Variants in PIEZO1 observed in about 807,000 individuals in gnomAD.
The protein encoded by PIEZO1 is piezo type mechanosensitive ion channel component 1 (Er blood group), also known as piezo-type mechanosensitive ion channel component 1.
In PIEZO1, 296 loss-of-function variants were observed where a neutral mutation model predicts 297.2. The observed-to-expected ratio is 1.00, with a 90% CI of 0.91 to 1.10. PIEZO1 has a LOEUF of 1.10. PIEZO1 is among the 50% of genes least tolerant of loss of function. PIEZO1 has a pLI of 0.00. For missense variants in PIEZO1, 5,018 were observed against 3,455.5 expected, an observed-to-expected ratio of 1.45 and a Z score of -11.34; for synonymous variants, 2,427 against 1,507.5, an observed-to-expected ratio of 1.61 and a Z score of -14.13.
At chr16:88,762,472 G>A (rs1467932995) in intron 1 of PIEZO1, among the ~76,000 whole-genome samples, 3 of 152,150 alleles carry the variant, frequency 2.0e-5, no homozygotes, top group South Asian at 2.1e-4. Flanking sequence ...TCCCGGGGAC[G>A]GCAGGACCCC....
At position 88,721,943 on chromosome 16, in the gene PIEZO1, G is replaced by A. The variant is rs1195068552; in HGVS notation, c.5079C>T (p.Phe1693=). The part of the protein sequence containing the change: ...VAAHSELLCY[F]IIILNHMVTA... ...TGACCATGTGGTTGAGGATGATGAT[G>A]AAGTAGCAGAGCAGCTCCGAGTGGG... Residue 1693 remains phenylalanine (F), a synonymous_variant, in exon 37 of 51, where the codon TTC becomes TTT. Transcript: ENST00000301015. 37 of 1,550,062 alleles carry A rather than the reference G, an allele frequency of 2.4e-5. No homozygotes were observed. Among genetic ancestry groups the A allele is most frequent in the Non-Finnish European group, 3.2e-5 (37 of 1,146,828 alleles).
rs199524784 is a variant in PIEZO1, at chr16:88,737,727, C to G, written c.1107+1G>C. The stretch of plus-strand genomic sequence containing the variant: ...GCGTCTCCACCTGCCTGGCTGCTCA[C>G]CTGGTCAGACTCCCGTTCCTGGGGC... On this transcript the variant is annotated splice_donor_variant, in intron 9 of 50. Coordinates refer to ENST00000301015, the MANE Select transcript of PIEZO1 (RefSeq NM_001142864.4). LOFTEE classifies it high-confidence loss of function. 815 of 1,535,478 alleles carry G rather than the reference C, an allele frequency of 5.3e-4. No individual in the cohort carries two copies. The highest frequency in any genetic ancestry group is 6.8e-4 in the Non-Finnish European group (778 of 1,146,578).
chr16:88,764,541 A>G (rs1302263420), intron 1 of PIEZO1, among the ~76,000 whole-genome samples: 1 of 152,100 alleles, frequency 6.6e-6, no homozygotes, highest in African/African-American at 2.4e-5. Context: ...TCATGAGGTC[A>G]GGAGTTCGAG....
At chr16:88,748,931 T>TC (rs1226422343) in intron 2 of PIEZO1, among the ~76,000 whole-genome samples, 1 of 39,974 alleles carries the variant, frequency 2.5e-5, no homozygotes, top group Non-Finnish European at 4.7e-5. Flanking sequence ...AGACTCGGTC[T>TC]CAAAAAAAAA....
In PIEZO1 at chr16:88,741,586, G is replaced by C. The variant is rs1255996250; in HGVS notation, c.357C>G (p.Ile119Met). 5.9e-6 allele frequency: 9 copies of C among 1,535,442 alleles called. No homozygotes were observed. The highest frequency in any genetic ancestry group is 7.0e-6 in the Non-Finnish European group (8 of 1,146,758). ...RLDLKDIPNA[I>M]RLVAPDLGIL... The stretch of plus-strand genomic sequence containing the variant: ...TGCCCAGGTCAGGGGCCACCAGCCG[G>C]ATGGCGTTGGGGATGTCCTTCAGGT... Residue 119 changes from isoleucine (I) to methionine (M), a missense_variant, in exon 5 of 51, where the codon ATC becomes ATG. Transcript: ENST00000301015.
intron 8 of PIEZO1, 29 bp downstream of exon 8, chr16:88,737,905 C>A: frequency 6.5e-7 from 1 of 1,530,184 alleles, no homozygotes; most frequent in Non-Finnish European, 8.8e-7. Flanking sequence ...CTGGCCTCAG[C>A]CCACCCACCA....
chr16:88,777,989 G>A (rs2968481), intron 1 of PIEZO1, among the ~76,000 whole-genome samples: 44,286 of 152,210 alleles, frequency 0.29, 7,379 homozygotes, highest in East Asian at 0.42. Flanking sequence ...TCCAGGTCTC[G>A]CCACAGCCAC....
chr16:88,725,963 C>A (rs1904394506), intron 27 of PIEZO1: 1 of 567,718 alleles, frequency 1.8e-6, no homozygotes, highest in Non-Finnish European at 3.1e-6. Flanking sequence ...CAGAACCCCT[C>A]CCTGGGGCAG....
intron 1 of PIEZO1, among the ~76,000 whole-genome samples, chr16:88,770,223 C>A (rs1907359867): frequency 6.6e-6 from 1 of 152,220 alleles, no homozygotes; most frequent in Admixed American, 6.5e-5. Flanking sequence ...GCAGGCAGCC[C>A]CACAGGACGC....
At chr16:88,756,782 A>T (rs1045418685) in intron 1 of PIEZO1, among the ~76,000 whole-genome samples, 2 of 150,900 alleles carry the variant, frequency 1.3e-5, no homozygotes, top group African/African-American at 4.9e-5. Flanking sequence ...AACAATAAAA[A>T]TAAAAACAAA....
intron 23 of PIEZO1, 46 bp from the exon 24 acceptor site, chr16:88,727,238 G>C: frequency 6.7e-7 from 1 of 1,490,182 alleles, no homozygotes; most frequent in South Asian, 1.3e-5. Context: ...GGACCCACAC[G>C]AGGTGGGCAC....
At chr16:88,724,960 G>T in intron 30 of PIEZO1, 49 bp downstream of exon 30, 2 of 1,177,340 alleles carry the variant, frequency 1.7e-6, no homozygotes, top group Non-Finnish European at 2.3e-6. Flanking sequence ...GACAGATGGG[G>T]GCACAGAGGG....
chr16:88,759,972 C>G (rs1906852155), intron 1 of PIEZO1, among the ~76,000 whole-genome samples: 2 of 152,264 alleles, frequency 1.3e-5, no homozygotes, highest in East Asian at 3.9e-4. Context: ...GGCATCCGGG[C>G]CTGCTCCGCA....
intron 1 of PIEZO1, among the ~76,000 whole-genome samples, chr16:88,754,523 TC>T (rs1906558084): frequency 6.6e-6 from 1 of 152,136 alleles, no homozygotes; most frequent in Non-Finnish European, 1.5e-5. Flanking sequence ...CAACCCTCGT[TC>T]CCTGTGGTGA....
intron 1 of PIEZO1, among the ~76,000 whole-genome samples, chr16:88,778,134 C>G (rs1020237725): frequency 2.0e-5 from 3 of 152,206 alleles, no homozygotes; most frequent in Non-Finnish European, 4.4e-5. Context: ...TGCGGGGGTC[C>G]AGGACTCCCC....
intron 1 of PIEZO1, among the ~76,000 whole-genome samples, chr16:88,772,283 G>A (rs538428810): frequency 5.9e-4 from 90 of 152,376 alleles, no homozygotes; most frequent in Non-Finnish European, 3.5e-4. Context: ...AATCCCAGAC[G>A]TATCATGGCA....
chr16:88,716,701 G>C lies in PIEZO1; in HGVS notation c.6784C>G (p.Pro2262Ala). The change falls in exon 47 of 51, where the codon CCT (proline) becomes GCT (alanine). Residue 2262 changes from proline (P) to alanine (A), a missense_variant. Physicochemically the swap from Pro to Ala is conservative, Grantham distance 27 (BLOSUM62 -1). Transcript: ENST00000301015. ...ATCTGCGCCGTGACGATGTCCTCAG[G>C]GCTGTACTGGCTGATGAACTGCATG... ...LAMQFISQYS[P>A]EDIVTAQIEG... 1.9e-6 allele frequency: 3 copies of C among 1,548,446 alleles called. No individual in the cohort carries two copies. Among genetic ancestry groups the C allele is most frequent in the Non-Finnish European group, 2.6e-6 (3 of 1,146,884 alleles).
chr16:88,770,912 T>G (rs1384112398), intron 1 of PIEZO1, among the ~76,000 whole-genome samples: 1 of 152,158 alleles, frequency 6.6e-6, no homozygotes, highest in Admixed American at 6.5e-5. Context: ...ACTATAGGAA[T>G]CCGGTGGGCG....
rs1274434201 is a variant in PIEZO1, at chr16:88,716,849, G to C, written c.6710C>G (p.Ala2237Gly). The C allele has an allele frequency of 3.9e-6, 6 of 1,550,158 alleles. No individual in the cohort carries two copies. The Admixed American group carries it at 1.2e-4, about 30-fold the overall frequency. Residue 2237 changes from alanine to glycine, a missense_variant, in exon 46 of 51, where the codon GCC becomes GGC. Transcript: ENST00000301015. ...CCGGGACAGCTCCTCATAGGCCTGG[G>C]CCGTGAAGGGGATGATGGACGGCTG... ...AQQPSIIPFT[A>G]QAYEELSRQF...
Sources: allele counts gnomAD v4.1 joint callset (sites outside exome capture counted in the v4.1 genomes callset), GRCh38; gene constraint gnomAD v4.1.1; transcripts MANE v1.5; gene names NCBI Gene and HGNC (gene_info 2026-07-23, HGNC 2026-07-21).